Variants in CNTNAP2 observed in about 807,000 individuals in gnomAD.
CNTNAP2 encodes the protein contactin associated protein 2, also known as contactin-associated protein-like 2.
A neutral mutation model predicts 155.2 loss-of-function variants in CNTNAP2; 98 were observed. The ratio of observed to expected loss-of-function variants is 0.63; its 90% CI spans 0.54 to 0.75. The LOEUF (loss-of-function observed/expected upper bound fraction) is 0.75, where lower values mean the gene tolerates loss of function less well. Ranked by LOEUF, CNTNAP2 falls within the 30% of genes least tolerant of loss-of-function variation. The pLI, the probability that CNTNAP2 is intolerant of heterozygous loss-of-function variation, is 0.00. For synonymous variants in CNTNAP2, 651 were observed against 631.2 expected, an observed-to-expected ratio of 1.03 and a Z score of -0.47; for missense variants, 1,727 against 1,688.1, an observed-to-expected ratio of 1.02 and a Z score of -0.40.
At chr7:146,448,152 G>T (rs1163871011) in intron 1 of CNTNAP2, among the ~76,000 whole-genome samples, 1 of 151,996 alleles carries the variant, frequency 6.6e-6, no homozygotes, top group Admixed American at 6.6e-5. Context: ...TAATGATTGA[G>T]AAATGGCTGT....
At chr7:146,312,776 T>A (rs186478910) in intron 1 of CNTNAP2, among the ~76,000 whole-genome samples, 3 of 152,328 alleles carry the variant, frequency 2.0e-5, no homozygotes, top group African/African-American at 7.2e-5. Flanking sequence ...AATAGACCAC[T>A]TTAGAGTCCA....
At chr7:147,955,897 T>C (rs1370319905) in intron 14 of CNTNAP2, among the ~76,000 whole-genome samples, 1 of 152,184 alleles carries the variant, frequency 6.6e-6, no homozygotes, top group African/African-American at 2.4e-5. Flanking sequence ...GGGTACAGAC[T>C]TGACCCAAGA....
intron 3 of CNTNAP2, among the ~76,000 whole-genome samples, chr7:147,022,493 A>G (rs1404960046): frequency 1.3e-5 from 2 of 152,122 alleles, no homozygotes; most frequent in Admixed American, 1.3e-4. Context: ...GTATATATTT[A>G]TAACACATAT....
intron 1 of CNTNAP2, among the ~76,000 whole-genome samples, chr7:146,575,244 G>A (rs1795221828): frequency 6.6e-6 from 1 of 152,074 alleles, no homozygotes; most frequent in African/African-American, 2.4e-5. Context: ...AGCCTCCTGA[G>A]TAGCTGAGAT....
chr7:147,693,406 G>T (rs534774410), intron 13 of CNTNAP2, among the ~76,000 whole-genome samples: 22 of 152,144 alleles, frequency 1.4e-4, no homozygotes, highest in African/African-American at 5.1e-4. Flanking sequence ...AATTGGGATT[G>T]CACTGAATCT....
At chr7:148,008,207 CA>C (rs34226824) in intron 15 of CNTNAP2, among the ~76,000 whole-genome samples, 83 of 142,532 alleles carry the variant, frequency 5.8e-4, no homozygotes, top group African/African-American at 6.8e-4. Context: ...ACTAAAAATA[CA>C]AAAAAAAAAA....
intron 16 of CNTNAP2, among the ~76,000 whole-genome samples, chr7:148,139,552 C>G (rs1239251456): frequency 6.6e-6 from 1 of 152,050 alleles, no homozygotes; most frequent in Non-Finnish European, 1.5e-5. Context: ...GAGACAGAGT[C>G]TCACACTGTT....
intron 10 of CNTNAP2, among the ~76,000 whole-genome samples, chr7:147,416,914 C>A (rs1401619555): frequency 6.6e-6 from 1 of 151,912 alleles, no homozygotes; most frequent in South Asian, 2.1e-4. Flanking sequence ...CATGGTGAAA[C>A]CCCATCTCTA....
intron 22 of CNTNAP2, among the ~76,000 whole-genome samples, chr7:148,397,502 A>G (rs530287599): frequency 1.2e-4 from 18 of 152,304 alleles, no homozygotes; most frequent in South Asian, 6.2e-4. Context: ...ACTATTTTCT[A>G]TCACCCTTTA....
At chr7:147,895,162 C>T (rs1477681095) in intron 13 of CNTNAP2, among the ~76,000 whole-genome samples, 3 of 147,120 alleles carry the variant, frequency 2.0e-5, no homozygotes, top group Admixed American at 1.3e-4. Context: ...TTAGTAGAAA[C>T]GGGGTTTCAT....
At chr7:146,212,961 G>C (rs911720861) in intron 1 of CNTNAP2, among the ~76,000 whole-genome samples, 2 of 152,124 alleles carry the variant, frequency 1.3e-5, no homozygotes, top group Non-Finnish European at 2.9e-5. Flanking sequence ...GCTTAACAGT[G>C]TTCCTCATTG....
At chr7:146,926,370 G>C (rs1343311332) in intron 3 of CNTNAP2, among the ~76,000 whole-genome samples, 1 of 152,038 alleles carries the variant, frequency 6.6e-6, no homozygotes, top group African/African-American at 2.4e-5. Context: ...TCAGTACTTT[G>C]TGTAGAAAAA....
chr7:147,083,445 A>G (rs556211771), intron 4 of CNTNAP2, among the ~76,000 whole-genome samples: 1 of 151,186 alleles, frequency 6.6e-6, no homozygotes, highest in African/African-American at 2.4e-5. Flanking sequence ...TAATGTGTAC[A>G]TTAAATTTAA....
chr7:147,943,933 C>T (rs1287315624), intron 14 of CNTNAP2, among the ~76,000 whole-genome samples: 1 of 152,014 alleles, frequency 6.6e-6, no homozygotes, highest in African/African-American at 2.4e-5. Context: ...CCCAGCAGTT[C>T]AATAAGTGGA....
chr7:146,356,005 A>G (rs966182645), intron 1 of CNTNAP2, among the ~76,000 whole-genome samples: 3 of 151,954 alleles, frequency 2.0e-5, no homozygotes, highest in Admixed American at 1.3e-4. Flanking sequence ...AACCCTCTTC[A>G]GCTAGAAGTC....
intron 2 of CNTNAP2, among the ~76,000 whole-genome samples, chr7:146,826,847 T>TAGAGAG (rs1268760402): frequency 2.1e-5 from 3 of 142,136 alleles, no homozygotes; most frequent in African/African-American, 9.0e-5. Flanking sequence ...TATATATATA[T>TAGAGAG]ATATATATAT....
chr7:146,184,366 G>A (rs902213011), intron 1 of CNTNAP2, among the ~76,000 whole-genome samples: 2 of 152,214 alleles, frequency 1.3e-5, no homozygotes, highest in Non-Finnish European at 2.9e-5. Flanking sequence ...GAGATAGTGT[G>A]GAACATAATT....
At chr7:147,715,000 T>C (rs936717232) in intron 13 of CNTNAP2, among the ~76,000 whole-genome samples, 2 of 152,160 alleles carry the variant, frequency 1.3e-5, no homozygotes, top group Admixed American at 6.6e-5. Flanking sequence ...CAAGATGTTG[T>C]GTGTATCAAG....
chr7:146,802,781 TGA>T (rs1802903434), intron 2 of CNTNAP2, among the ~76,000 whole-genome samples: 1 of 152,140 alleles, frequency 6.6e-6, no homozygotes, highest in African/African-American at 2.4e-5. Flanking sequence ...TACAGGAGAT[TGA>T]GAACAGACTA....
Sources: allele counts gnomAD v4.1 joint callset (sites outside exome capture counted in the v4.1 genomes callset), GRCh38; gene constraint gnomAD v4.1.1; transcripts MANE v1.5; gene names NCBI Gene and HGNC (gene_info 2026-07-23, HGNC 2026-07-21).